The following SEMA6C variants were observed in gnomAD, a reference collection of about 807,000 sequenced individuals.
SEMA6C encodes semaphorin 6C, also known as semaphorin-6C.
A neutral mutation model predicts 72.9 loss-of-function variants in SEMA6C; 37 were observed. The ratio of observed to expected loss-of-function variants is 0.51; its 90% CI spans 0.39 to 0.67. The LOEUF is 0.67. SEMA6C is among the 30% of genes least tolerant of loss of function. SEMA6C has a pLI of 0.00. For missense variants in SEMA6C, 1,189 were observed against 1,263.6 expected, an observed-to-expected ratio of 0.94 and a Z score of 0.89; for synonymous variants, 578 against 554.1, an observed-to-expected ratio of 1.04 and a Z score of -0.61.
At position 151,132,555 on chromosome 1, in the gene SEMA6C, A is replaced by G. The variant is rs587736850; in HGVS notation, c.2722T>C (p.Ser908Pro). 31 of 1,551,160 alleles carry G rather than the reference A, an allele frequency of 2.0e-5. No homozygotes were observed. The highest frequency in any genetic ancestry group is 3.3e-4 in the Middle Eastern group (2 of 5,990). Residue 908 changes from serine (S) to proline (P), a missense_variant, in exon 19 of 19, where the codon TCC (serine) becomes CCC (proline). Around this residue, in one of 2 missense-constraint regions of SEMA6C, gnomAD observed 721 missense variants for 686.2 expected, o/e 1.05. Coordinates refer to ENST00000368914, the MANE Select transcript of SEMA6C (RefSeq NM_030913.6). ...KRVDVEKPQLSLKPPLVGPSS... is the reference protein window; with the variant it reads ...KRVDVEKPQLPLKPPLVGPSS... ...GGCCCGACGAGGGGAGGCTTCAGGG[A>G]CAACTGGGGCTTCTCGACGTCCACC... is the stretch of plus-strand genomic sequence containing the variant.
chr1:151,132,297 C>A lies in SEMA6C; in HGVS notation c.*187G>T. ...GACGGGCTTCTCACCTCCCACTCTT[C>A]TGTCGAGGACAGGGGGAAAGACAGT... On this transcript the variant is annotated 3_prime_UTR_variant, in exon 19 of 19. Transcript: ENST00000368914. 1 of 1,535,550 alleles carries A rather than the reference C, an allele frequency of 6.5e-7. No individual in the cohort carries two copies. Among genetic ancestry groups the A allele is most frequent in the Non-Finnish European group, 8.7e-7 (1 of 1,145,572 alleles).
At chr1:151,138,181 C>A in intron 8 of SEMA6C, 76 bp from the exon 9 acceptor site, 1 of 1,592,750 alleles carries the variant, frequency 6.3e-7, no homozygotes, top group Non-Finnish European at 8.6e-7. Context: ...CCTCCTGCAC[C>A]CCTACCTAGG....
In SEMA6C at chr1:151,134,596, A is replaced by G. The variant is rs1681859025; in HGVS notation, c.1714+24T>C. ...ATGGCCATGTGCAGCTTTGGCTGCA[A>G]CAGCAGCTGCCTCTTCTGTTTACCT... On this transcript the variant is annotated intron_variant, in intron 17 of 18. Coordinates refer to ENST00000368914, the MANE Select transcript of SEMA6C (RefSeq NM_030913.6). The G allele has an allele frequency of 2.5e-6, 4 of 1,613,716 alleles. No homozygotes were observed. In the African/African-American group the frequency reaches 5.3e-5, roughly 22 times the overall value.
rs1189757732 is a variant in SEMA6C, at chr1:151,135,595, CA to C, written c.1428del (p.Ala477ProfsTer16). 1.2e-6 allele frequency: 2 copies of C among 1,611,680 alleles called. No individual in the cohort carries two copies. The highest frequency in any genetic ancestry group is 1.7e-5 in the Admixed American group (1 of 59,562). On this transcript the variant is annotated frameshift_variant, in exon 14 of 19. Transcript: ENST00000368914. LOFTEE classifies it high-confidence loss of function. ...ILLEEIDAYSPARCSGKRTAQ... is the reference protein window; with the variant it reads ...ILLEEIDAYSXARCSGKRTAQ... ...CCTGCCCTCCAAAGGCCTCACCGGG[CA>C]GGGCTGTAGGCATCAATCTCTTCCA... is the stretch of plus-strand genomic sequence containing the variant.
chr1:151,139,711 T>C lies in SEMA6C; in HGVS notation c.234-10A>G, dbSNP rs775069532. 2.5e-6 allele frequency: 4 copies of C among 1,594,862 alleles called. No homozygotes were observed. Among genetic ancestry groups the C allele is most frequent in the Admixed American group, 3.4e-5 (2 of 58,708 alleles). On this transcript the variant is annotated splice_polypyrimidine_tract_variant and intron_variant, in intron 4 of 18. Transcript: ENST00000368914. Reference sequence around the variant, plus strand: ...GGAGAAAACGTGATCCCTGAGGGGGTAGGTAAGGAGGGGTCAGAGCCTAGT... The same window carrying C: ...GGAGAAAACGTGATCCCTGAGGGGGCAGGTAAGGAGGGGTCAGAGCCTAGT...
At chr1:151,134,268 G>A (rs1681827079) in intron 18 of SEMA6C, 133 bp downstream of exon 18, 2 of 891,714 alleles carry the variant, frequency 2.2e-6, no homozygotes, top group Non-Finnish European at 3.6e-6. Context: ...CTACATGCTG[G>A]GTATCTGGAG....
intron 10 of SEMA6C, 49 bp downstream of exon 10, chr1:151,137,660 CAG>C: frequency 6.8e-7 from 1 of 1,474,396 alleles, no homozygotes; most frequent in Non-Finnish European, 9.4e-7. Flanking sequence ...ACTGGCTCCT[CAG>C]GATCCAGCAG....
intron 14 of SEMA6C, 67 bp downstream of exon 14, chr1:151,135,524 G>A (rs1044854324): frequency 5.0e-5 from 77 of 1,541,928 alleles, no homozygotes; most frequent in Non-Finnish European, 6.0e-5. Flanking sequence ...ACCTATTCCC[G>A]AATCTGCAGC....
At chr1:151,135,801 G>A in intron 13 of SEMA6C, 37 bp from the exon 14 acceptor site, 1 of 1,605,466 alleles carries the variant, frequency 6.2e-7, no homozygotes, top group Non-Finnish European at 8.5e-7. Flanking sequence ...AACCTGTCTA[G>A]TGGAAACCTG....
chr1:151,133,144 G>A lies in SEMA6C; in HGVS notation c.2133C>T (p.His711=), dbSNP rs773979942. ...CCCAGGGGTCCCCGGCGGCGCGGAGGTGCTTGACCGGCAGCTCCGGCGTGG... is the reference window on the plus strand; with the variant it reads ...CCCAGGGGTCCCCGGCGGCGCGGAGATGCTTGACCGGCAGCTCCGGCGTGG... ...PESTPELPVK[H]LRAAGDPWEW... The change falls in exon 19 of 19, where the codon CAC becomes CAT. Residue 711 remains histidine (H), a synonymous_variant. Transcript: ENST00000368914. This position sits in a 1 kb window ranked among gnomAD's most constrained non-coding sequence, Gnocchi z 5.9. The A allele has an allele frequency of 3.2e-6, 5 of 1,554,668 alleles. No homozygotes were observed. The East Asian group carries it at 9.2e-5, about 29-fold the overall frequency.
chr1:151,135,457 G>A (rs1469326457), intron 14 of SEMA6C, 134 bp downstream of exon 14: 17 of 1,443,732 alleles, frequency 1.2e-5, no homozygotes, highest in South Asian at 5.3e-5. Flanking sequence ...CAGTCTTCTC[G>A]CCAAGCCTGT....
At chr1:151,138,187 C>T in intron 8 of SEMA6C, 82 bp from the exon 9 acceptor site, 2 of 1,590,414 alleles carry the variant, frequency 1.3e-6, no homozygotes, top group Non-Finnish European at 1.7e-6. Context: ...GCACCCCTAC[C>T]TAGGCCTGGC....
Position 151,133,822 on chromosome 1 carries a change from G to C in SEMA6C, c.1760-305C>G. The stretch of plus-strand genomic sequence containing the variant: ...TGCTCGTGCAGGAGAACTCGGGGCT[G>C]GGATGCCCAATTCTGGGGAAGGGAG... On this transcript the variant is annotated intron_variant, in intron 18 of 18. Coordinates refer to ENST00000368914, the MANE Select transcript of SEMA6C (RefSeq NM_030913.6). This position sits in a 1 kb window ranked among gnomAD's most constrained non-coding sequence, Gnocchi z 5.9. The C allele has an allele frequency of 1.1e-6, 1 of 901,270 alleles. No individual in the cohort carries two copies. Among genetic ancestry groups the C allele is most frequent in the Non-Finnish European group, 1.7e-6 (1 of 591,006 alleles). The allele number at this position is 901,270 out of a possible 1,614,324, so 55.8% of individuals were successfully genotyped here.
At chr1:151,137,857 T>C in intron 9 of SEMA6C, 58 bp from the exon 10 acceptor site, 1 of 1,585,576 alleles carries the variant, frequency 6.3e-7, no homozygotes, top group Non-Finnish European at 8.6e-7. Context: ...GCTCAGAAGC[T>C]CCTGGCCCCA....
chr1:151,137,084 G>A lies in SEMA6C; in HGVS notation c.757-10C>T. The A allele has an allele frequency of 2.5e-6, 4 of 1,611,470 alleles. No individual in the cohort carries two copies. The highest frequency in any genetic ancestry group is 3.4e-6 in the Non-Finnish European group (4 of 1,178,874). On this transcript the variant is annotated splice_polypyrimidine_tract_variant and intron_variant, in intron 10 of 18. Coordinates refer to ENST00000368914, the MANE Select transcript of SEMA6C (RefSeq NM_030913.6). ...CGCGGGAGAACTGCACCTAGGGGAG[G>A]AGAGTGGAGTAGACAATGGTGAGAC...
At chr1:151,138,576 C>T (rs1558185435) in intron 7 of SEMA6C, 54 bp downstream of exon 7, 2 of 1,553,496 alleles carry the variant, frequency 1.3e-6, no homozygotes, top group Non-Finnish European at 8.9e-7. Context: ...AAACCCATTG[C>T]CCATCTTGGG....
chr1:151,144,853 T>C (rs926464715), intron 1 of SEMA6C, among the ~76,000 whole-genome samples: 7 of 152,144 alleles, frequency 4.6e-5, no homozygotes, highest in Non-Finnish European at 8.8e-5. Context: ...AATGATCTGA[T>C]AGCAAGCACC....
rs1312653318 is a variant in SEMA6C, at chr1:151,142,464, T to G, written c.118+40A>C. ...CACACAGGGGGTCTCAGTCTCTAAT[T>G]GTTCACAGAGATGGGGCAAGGTAGG... is the stretch of plus-strand genomic sequence containing the variant. On this transcript the variant is annotated intron_variant, in intron 3 of 18. Coordinates refer to ENST00000368914, the MANE Select transcript of SEMA6C (RefSeq NM_030913.6). 2.5e-6 allele frequency: 4 copies of G among 1,611,980 alleles called. No homozygotes were observed. In the South Asian group the frequency reaches 4.4e-5, roughly 18 times the overall value.
rs1553273664 is a variant in SEMA6C, at chr1:151,141,714, C to CA, written c.118+789_118+790insT. Among the ~76,000 whole-genome samples the CA allele has an allele frequency of 9.9e-4, 76 of 76,554 alleles. 1 individual carries two copies. The highest frequency in any genetic ancestry group is 3.0e-3 in the African/African-American group (64 of 21,078). 50.2% of individuals were successfully genotyped at this position (76,554 alleles called of 152,430 possible). A position where few individuals can be genotyped will look rare whatever the true frequency, so the allele number is the denominator to read the frequency against. Reference sequence around the variant, plus strand: ...GTGTAAAGCCACCGTGCCCAGCTGACTTTTTTTTTTTAATCGGCTTTTTTT... The same window carrying CA: ...GTGTAAAGCCACCGTGCCCAGCTGACATTTTTTTTTTTAATCGGCTTTTTTT... On this transcript the variant is annotated intron_variant, in intron 3 of 18. Coordinates refer to ENST00000368914, the MANE Select transcript of SEMA6C (RefSeq NM_030913.6).
Sources: allele counts gnomAD v4.1 joint callset (sites outside exome capture counted in the v4.1 genomes callset), GRCh38; gene constraint gnomAD v4.1.1; regional missense constraint gnomAD v4.1.1; non-coding constraint Gnocchi (gnomAD v3.1); transcripts MANE v1.5; gene names NCBI Gene and HGNC (gene_info 2026-07-23, HGNC 2026-07-21).